HOOK3: variants seen among roughly 807,000 people sequenced by gnomAD.
HOOK3 encodes hook microtubule tethering protein 3, also known as protein Hook homolog 3.
HOOK3 carries 24 observed loss-of-function variants against 116.3 expected under a neutral mutation model. The observed-to-expected ratio is 0.21, with a 90% CI of 0.15 to 0.29. The LOEUF (loss-of-function observed/expected upper bound fraction) is 0.29. Among genes scored for constraint, HOOK3 ranks in the 10% least tolerant of loss-of-function variants. The pLI is 1.00. For synonymous variants in HOOK3, 275 were observed against 283.0 expected (o/e 0.97, Z 0.28); for missense variants, 632 against 830.2 (o/e 0.76, Z 2.93).
chr8:42,925,010 A>G (rs1230257562), intron 2 of HOOK3, among the ~76,000 whole-genome samples: 2 of 151,374 alleles, frequency 1.3e-5, no homozygotes, highest in African/African-American at 4.8e-5. Context: ...GTCATTGATT[A>G]TGTGTTAACA....
chr8:42,935,960 G>A (rs916320625), intron 4 of HOOK3, among the ~76,000 whole-genome samples: 1 of 152,180 alleles, frequency 6.6e-6, no homozygotes, highest in African/African-American at 2.4e-5. Context: ...GGATACCATT[G>A]AATCTATAAA....
At chr8:42,989,197 C>T (rs754016944) in intron 15 of HOOK3, among the ~76,000 whole-genome samples, 3 of 152,224 alleles carry the variant, frequency 2.0e-5, no homozygotes, top group Non-Finnish European at 4.4e-5. Context: ...TAGACCTGAT[C>T]TTGTTTCTGT....
chr8:42,897,424 C>T, intron 1 of HOOK3: 1 of 321,160 alleles, frequency 3.1e-6, no homozygotes. Flanking sequence ...GCGGGCGACT[C>T]TGGGATCCGT....
chr8:42,922,503 A>G lies in HOOK3; in HGVS notation c.144-3054A>G, dbSNP rs576459010. On this transcript the variant is annotated intron_variant, in intron 2 of 21. Coordinates refer to ENST00000307602, the MANE Select transcript of HOOK3 (RefSeq NM_032410.4). ...GAATACAAGTACAAGGTTATAGTGA[A>G]CTGTGATCATGCCATTTCACTCCAG... is the stretch of plus-strand genomic sequence containing the variant. Among the ~76,000 whole-genome samples the G allele has an allele frequency of 3.9e-5, 6 of 152,264 alleles. No homozygotes were observed. The East Asian group carries it at 9.6e-4, about 24-fold the overall frequency.
chr8:42,957,652 C>T (rs1161914947), intron 7 of HOOK3, among the ~76,000 whole-genome samples: 2 of 151,976 alleles, frequency 1.3e-5, no homozygotes, highest in Non-Finnish European at 2.9e-5. Flanking sequence ...GCAAAAGATA[C>T]TTACCTTTTA....
intron 2 of HOOK3, among the ~76,000 whole-genome samples, chr8:42,911,677 G>T (rs1268067539): frequency 1.3e-5 from 2 of 152,112 alleles, no homozygotes; most frequent in Non-Finnish European, 2.9e-5. Context: ...AAGACAAGTG[G>T]GTGGACTCAA....
chr8:42,913,098 C>T (rs1807464656), intron 2 of HOOK3, among the ~76,000 whole-genome samples: 1 of 151,548 alleles, frequency 6.6e-6, no homozygotes. Context: ...TTTTTTAGAG[C>T]TTCCCACTTT....
chr8:42,902,889 C>T (rs902394895), intron 1 of HOOK3, among the ~76,000 whole-genome samples: 14 of 152,316 alleles, frequency 9.2e-5, no homozygotes, highest in Non-Finnish European at 4.4e-5. Flanking sequence ...AAGAATGAGA[C>T]ATAGTCCTCA....
intron 17 of HOOK3, among the ~76,000 whole-genome samples, chr8:43,004,909 C>T (rs912847100): frequency 5.3e-5 from 8 of 151,832 alleles, no homozygotes; most frequent in African/African-American, 1.9e-4. Context: ...AAATATTGTC[C>T]GTGCATACCA....
At chr8:42,973,179 A>C in intron 11 of HOOK3, 110 bp from the exon 12 acceptor site, 1 of 1,204,630 alleles carries the variant, frequency 8.3e-7, no homozygotes, top group South Asian at 1.8e-5. Flanking sequence ...GATCATATGC[A>C]TTTGAGTACT....
At chr8:42,950,223 G>A (rs1052747517) in intron 5 of HOOK3, among the ~76,000 whole-genome samples, 165 bp from the exon 6 acceptor site, 11 of 152,172 alleles carry the variant, frequency 7.2e-5, no homozygotes, top group African/African-American at 2.7e-4. Flanking sequence ...AAGATAAATA[G>A]TGTGATTTTC....
chr8:42,930,290 TTA>T (rs1480132177), intron 4 of HOOK3, 118 bp downstream of exon 4: 10 of 907,910 alleles, frequency 1.1e-5, no homozygotes, highest in Non-Finnish European at 1.5e-5. Context: ...GTCGTTCATT[TTA>T]TAGTTTCTAT....
At chr8:42,996,921 T>G (rs1009497989) in intron 15 of HOOK3, among the ~76,000 whole-genome samples, 1 of 126,508 alleles carries the variant, frequency 7.9e-6, no homozygotes, top group African/African-American at 3.6e-5. Flanking sequence ...TTTTTTTTTT[T>G]TGGGAGGCAG....
chr8:42,986,807 T>C lies in HOOK3; in HGVS notation c.1532+12T>C, dbSNP rs757394515. The stretch of plus-strand genomic sequence containing the variant: ...GAGACAGAGAATAGGTAGAGTATTA[T>C]AGGTGGCCGCATCTGGCTATAAGTT... On this transcript the variant is annotated intron_variant, in intron 15 of 21. Transcript: ENST00000307602. The C allele has an allele frequency of 9.9e-6, 16 of 1,610,578 alleles. No homozygotes were observed. The highest frequency in any genetic ancestry group is 1.7e-5 in the Admixed American group (1 of 59,230).
chr8:42,993,829 C>A (rs60133450), intron 15 of HOOK3, among the ~76,000 whole-genome samples: 1 of 151,896 alleles, frequency 6.6e-6, no homozygotes, highest in Non-Finnish European at 1.5e-5. Flanking sequence ...TGAATTTCTC[C>A]GGTATCAGTT....
chr8:42,897,309 G>A, intron 1 of HOOK3, 121 bp downstream of exon 1: 1 of 608,434 alleles, frequency 1.6e-6, no homozygotes, highest in Non-Finnish European at 2.4e-6. Flanking sequence ...CGGGGCCTGG[G>A]GCGGGCGGGG....
rs1809990167 is a variant in HOOK3, at chr8:43,029,365, ATCTCGATC to A, written c.*10871_*10878del. The A allele has an allele frequency of 6.0e-6, 1 of 167,872 alleles. No individual in the cohort carries two copies. Among genetic ancestry groups the A allele is most frequent in the South Asian group, 2.0e-4 (1 of 4,948 alleles). 10.4% of individuals were successfully genotyped at this position (167,872 alleles called of 1,614,324 possible). A position where few individuals can be genotyped will look rare whatever the true frequency, so the allele number is the denominator to read the frequency against. ...GGGTTTCACCTTGTTGGCCAGGATGATCTCGATCTCTTGATCTCGTGATCTGCCCGCAT... is the reference window on the plus strand; with the variant it reads ...GGGTTTCACCTTGTTGGCCAGGATGATCTTGATCTCGTGATCTGCCCGCAT... On this transcript the variant is annotated 3_prime_UTR_variant, in exon 22 of 22. Transcript: ENST00000307602.
At chr8:42,920,460 A>G (rs1217022710) in intron 2 of HOOK3, among the ~76,000 whole-genome samples, 1 of 152,202 alleles carries the variant, frequency 6.6e-6, no homozygotes, top group Non-Finnish European at 1.5e-5. Flanking sequence ...TAAGTAGTAG[A>G]TTGGAAACTT....
intron 4 of HOOK3, among the ~76,000 whole-genome samples, chr8:42,938,924 G>C (rs1186180526): frequency 1.3e-5 from 2 of 151,972 alleles, no homozygotes. Flanking sequence ...GACTCTTAAC[G>C]AGCATGCTGC....
Sources: allele counts gnomAD v4.1 joint callset (sites outside exome capture counted in the v4.1 genomes callset), GRCh38; gene constraint gnomAD v4.1.1; transcripts MANE v1.5; gene names NCBI Gene and HGNC (gene_info 2026-07-23, HGNC 2026-07-21).